CDIN1: variants seen among roughly 807,000 people sequenced by gnomAD.
CDIN1 encodes the protein CDAN1-interacting nuclease 1.
Under a neutral mutation model 45.3 loss-of-function variants are expected in CDIN1, and 33 were observed. That is an observed-to-expected ratio of 0.73 (90% CI 0.55 to 0.97). CDIN1 has a LOEUF of 0.97. Ranked by LOEUF, CDIN1 falls within the 50% of genes least tolerant of loss-of-function variation. The pLI is 0.00. For missense variants in CDIN1, 303 were observed against 339.4 expected, an observed-to-expected ratio of 0.89 and a Z score of 0.84; for synonymous variants, 118 against 124.4, an observed-to-expected ratio of 0.95 and a Z score of 0.34.
At chr15:36,747,075 A>G in intron 10 of CDIN1, 1 of 392,872 alleles carries the variant, frequency 2.5e-6, no homozygotes, top group Non-Finnish European at 4.4e-6. Flanking sequence ...TGTGTTTGTA[A>G]ATAACAAAAA....
In CDIN1 at chr15:36,634,598, C is replaced by T. The variant is rs148614698; in HGVS notation, c.102-9680C>T. ...TGTCTCCAGTTACCTTTCTGAGATA[C>T]TAGTTTTATACCTTGTTTGTAGATC... On this transcript the variant is annotated intron_variant, in intron 1 of 10. Coordinates refer to ENST00000566621, the MANE Select transcript of CDIN1 (RefSeq NM_001321759.2). 4.7e-3 allele frequency among the ~76,000 whole-genome samples: 721 copies of T among 152,126 alleles called. 5 individuals are homozygous for T. The highest frequency in any genetic ancestry group is 0.017 in the African/African-American group (693 of 41,510).
At chr15:36,593,308 T>A (rs2037669615) in intron 1 of CDIN1, among the ~76,000 whole-genome samples, 1 of 152,214 alleles carries the variant, frequency 6.6e-6, no homozygotes, top group African/African-American at 2.4e-5. Context: ...GAAGCTGTTT[T>A]ACTGTTTTGT....
At position 36,808,514 on chromosome 15, in the gene CDIN1, T is replaced by C; in HGVS notation, c.*61T>C. The C allele has an allele frequency of 6.3e-7, 1 of 1,590,274 alleles. No individual in the cohort carries two copies. Among genetic ancestry groups the C allele is most frequent in the Non-Finnish European group, 8.6e-7 (1 of 1,167,512 alleles). On this transcript the variant is annotated 3_prime_UTR_variant, in exon 11 of 11. Transcript: ENST00000566621. ...GGTGAATCCGGAAGCAATTTTACTT[T>C]CCTGCACTGTAAGATCCTGGCAACA...
intron 5 of CDIN1, among the ~76,000 whole-genome samples, chr15:36,672,892 A>G (rs1459455496): frequency 3.3e-5 from 5 of 151,904 alleles, no homozygotes; most frequent in South Asian, 2.1e-4. Context: ...TGCTGGAGGG[A>G]AAAAAAGCAG....
At chr15:36,627,942 AT>A (rs35889540) in intron 1 of CDIN1, among the ~76,000 whole-genome samples, 33,479 of 144,272 alleles carry the variant, frequency 0.23, 3,990 homozygotes, top group Admixed American at 0.34. Flanking sequence ...GAGGCCTGTA[AT>A]TTTTTTTTTT....
chr15:36,685,623 A>G (rs1238274026), intron 5 of CDIN1, among the ~76,000 whole-genome samples: 2 of 152,188 alleles, frequency 1.3e-5, no homozygotes, highest in Non-Finnish European at 2.9e-5. Flanking sequence ...TGAACAGGCA[A>G]CCTACAAAAT....
chr15:36,723,645 A>G (rs760361891), intron 10 of CDIN1, among the ~76,000 whole-genome samples: 5 of 152,138 alleles, frequency 3.3e-5, no homozygotes, highest in Non-Finnish European at 4.4e-5. Flanking sequence ...GCTCACTGCA[A>G]CCTTGAACTC....
intron 10 of CDIN1, chr15:36,756,234 A>G (rs1482729110): frequency 9.5e-6 from 4 of 419,370 alleles, no homozygotes; most frequent in Admixed American, 2.7e-5. Flanking sequence ...TTTAAAATAT[A>G]TGGTTGCTGA....
intron 4 of CDIN1, among the ~76,000 whole-genome samples, chr15:36,657,167 A>G (rs948942982): frequency 1.1e-4 from 17 of 152,102 alleles, no homozygotes; most frequent in Admixed American, 3.9e-4. Flanking sequence ...CCACCCTGGG[A>G]TCTGTATTAA....
At chr15:36,796,132 T>A (rs1253404377) in intron 10 of CDIN1, among the ~76,000 whole-genome samples, 1 of 152,148 alleles carries the variant, frequency 6.6e-6, no homozygotes, top group Admixed American at 6.5e-5. Context: ...TCTAGTCTAC[T>A]CATGGAAAGA....
chr15:36,737,167 C>CA (rs965614774), intron 10 of CDIN1, among the ~76,000 whole-genome samples: 2,342 of 98,240 alleles, frequency 0.024, 74 homozygotes, highest in African/African-American at 0.071. Context: ...GACCCGGTCT[C>CA]AAAAAAAAAA....
At chr15:36,735,531 TA>T (rs1462116890) in intron 10 of CDIN1, among the ~76,000 whole-genome samples, 8 of 152,112 alleles carry the variant, frequency 5.3e-5, no homozygotes, top group African/African-American at 1.9e-4. Context: ...CCTAAATCAC[TA>T]AAATTACCAA....
intron 10 of CDIN1, among the ~76,000 whole-genome samples, chr15:36,777,077 A>C (rs933407879): frequency 2.0e-5 from 3 of 152,174 alleles, no homozygotes; most frequent in Non-Finnish European, 4.4e-5. Context: ...CTGGGGAAAA[A>C]AATACTTATC....
rs56793958 is a variant in CDIN1 at position 36,756,142 on chromosome 15, G to C, written c.716+46181G>C. ...TTGGTTTATATGGTTTTAAGGTACA[G>C]TTTTAAAAAGGGAGTGGGGAATCCT... On this transcript the variant is annotated intron_variant, in intron 10 of 10. Coordinates refer to ENST00000566621, the MANE Select transcript of CDIN1 (RefSeq NM_001321759.2). 1,311 of 455,994 alleles carry C rather than the reference G, an allele frequency of 2.9e-3. 19 individuals are homozygous for C. The highest frequency in any genetic ancestry group is 0.024 in the African/African-American group (1,198 of 50,186). 28.2% of individuals were successfully genotyped at this position (455,994 alleles called of 1,614,324 possible). A position where few individuals can be genotyped will look rare whatever the true frequency, so the allele number is the denominator to read the frequency against.
intron 1 of CDIN1, among the ~76,000 whole-genome samples, chr15:36,619,761 G>A (rs1427555229): frequency 2.6e-5 from 4 of 152,256 alleles, no homozygotes; most frequent in East Asian, 1.9e-4. Flanking sequence ...TTGGCGTGGA[G>A]AATGCCATCT....
chr15:36,714,728 G>A (rs1171079017), intron 10 of CDIN1, among the ~76,000 whole-genome samples: 1 of 152,126 alleles, frequency 6.6e-6, no homozygotes, highest in Non-Finnish European at 1.5e-5. Context: ...GCATATCCAA[G>A]CTCCACGTAC....
rs146146563 is a variant in CDIN1 at position 36,672,641 on chromosome 15, A to G, written c.346+14736A>G. Among the ~76,000 whole-genome samples the G allele has an allele frequency of 4.7e-3, 710 of 152,130 alleles. 8 individuals are homozygous for G. The highest frequency in any genetic ancestry group is 0.017 in the African/African-American group (687 of 41,498). On this transcript the variant is annotated intron_variant, in intron 5 of 10. Transcript: ENST00000566621. ...GGGGTGGGGGGAGGTCTCAAATTCA[A>G]TTAAGCAAGGAAGTATACTCCAGGT...
chr15:36,647,399 T>G (rs976764428), intron 3 of CDIN1, among the ~76,000 whole-genome samples: 1 of 152,190 alleles, frequency 6.6e-6, no homozygotes, highest in Non-Finnish European at 1.5e-5. Flanking sequence ...TAAATAGATT[T>G]CTTTCAATTT....
At chr15:36,735,238 A>T (rs1191411913) in intron 10 of CDIN1, among the ~76,000 whole-genome samples, 1 of 152,188 alleles carries the variant, frequency 6.6e-6, no homozygotes, top group Non-Finnish European at 1.5e-5. Flanking sequence ...TTTCAATATG[A>T]TGAATTACGT....
Sources: gnomAD v4.1 joint callset for allele counts (sites outside exome capture counted in the v4.1 genomes callset) on GRCh38, gnomAD v4.1.1 for gene constraint, MANE v1.5 for transcripts, NCBI Gene and HGNC (gene_info 2026-07-23, HGNC 2026-07-21) for gene names.